BCLAF3: variants seen among roughly 807,000 people sequenced by gnomAD.
The protein encoded by BCLAF3 is BCLAF1 and THRAP3 family member 3, also known as transient octamer binding factor 1.
BCLAF3 carries 24 observed loss-of-function variants against 51.2 expected under a neutral mutation model. That is an observed-to-expected ratio of 0.47 (90% confidence interval 0.34 to 0.66). The LOEUF is 0.66. Among genes scored for constraint, BCLAF3 ranks in the 30% least tolerant of loss-of-function variants. BCLAF3 has a pLI of 0.01. For missense variants in BCLAF3, 465 were observed against 525.1 expected, an observed-to-expected ratio of 0.89 and a Z score of 1.12; for synonymous variants, 152 against 176.6, an observed-to-expected ratio of 0.86 and a Z score of 1.10.
chrX:19,964,866 C>T (rs1199238005), intron 4 of BCLAF3, among the ~76,000 whole-genome samples, 178 bp downstream of exon 4: 3 of 111,195 alleles, frequency 2.7e-5, no homozygotes, highest in Non-Finnish European at 5.7e-5. Flanking sequence ...AAATTGCTCC[C>T]ATGTAACTAA....
In BCLAF3 at chrX:19,920,252, C is replaced by G. The variant is rs748681568; in HGVS notation, c.2107-2918G>C. 8.0e-4 allele frequency among the ~76,000 whole-genome samples: 90 copies of G among 111,999 alleles called. 1 individual carries two copies. The highest frequency in any genetic ancestry group is 2.8e-3 in the African/African-American group (87 of 30,823). On this transcript the variant is annotated intron_variant, in intron 11 of 11. Coordinates refer to ENST00000379682, the MANE Select transcript of BCLAF3 (RefSeq NM_001367774.2). ...TCCACTGGGAGAGAACCCTTGGAAA[C>G]TTGCACCTGGTTTCCTCTGGACTTC...
rs1234517085 is a variant in BCLAF3, at chrX:19,937,411, A to G, written c.1860+7T>C. Reference sequence around the variant, plus strand: ...TAAAAATGCAAATTTTGGAACTGCAATCTTACCATGTAAGGTTTTTCAATA... The same window carrying G: ...TAAAAATGCAAATTTTGGAACTGCAGTCTTACCATGTAAGGTTTTTCAATA... On this transcript the variant is annotated splice_region_variant and intron_variant, in intron 9 of 11. Coordinates refer to ENST00000379682, the MANE Select transcript of BCLAF3 (RefSeq NM_001367774.2). 1.9e-6 allele frequency: 2 copies of G among 1,042,691 alleles called. No homozygotes were observed. Among genetic ancestry groups the G allele is most frequent in the South Asian group, 2.0e-5 (1 of 50,785 alleles). The allele number at this position is 1,042,691 out of a possible 1,213,427, so 85.9% of individuals were successfully genotyped here.
At chrX:19,945,817 T>G (rs59004764) in intron 8 of BCLAF3, among the ~76,000 whole-genome samples, 57 of 103,744 alleles carry the variant, frequency 5.5e-4, no homozygotes, top group Admixed American at 1.4e-3. Context: ...TCGAGCTTCC[T>G]GGCTGCTTTG....
rs772145863 is a variant in BCLAF3 at position 19,937,502 on chromosome X, T to C, written c.1776A>G (p.Val592=). The change falls in exon 9 of 12, where the codon GTA becomes GTG. Residue 592 remains valine, a synonymous_variant. Coordinates refer to ENST00000379682, the MANE Select transcript of BCLAF3 (RefSeq NM_001367774.2). ...GGAATCCATCAGTATGAACATTCTT[T>C]ACCTTTGAAAAACTGGAATTCTGAT... The part of the protein sequence containing the change: ...RDDQNSSFSK[V]KNVHTDGFQK... The C allele has an allele frequency of 7.8e-6, 9 of 1,151,447 alleles. No homozygotes were observed. Among genetic ancestry groups the C allele is most frequent in the Non-Finnish European group, 9.4e-6 (8 of 854,264 alleles). The allele number at this position is 1,151,447 out of a possible 1,213,427, so 94.9% of individuals were successfully genotyped here. A position where few individuals can be genotyped will look rare whatever the true frequency, so the allele number is the denominator to read the frequency against.
intron 11 of BCLAF3, among the ~76,000 whole-genome samples, chrX:19,922,110 C>T (rs1304639356): frequency 1.8e-5 from 2 of 110,894 alleles, no homozygotes; most frequent in African/African-American, 6.5e-5. Flanking sequence ...GGAATGGTGG[C>T]TCACACCTGT....
At chrX:19,963,072 G>A (rs111474706) in intron 4 of BCLAF3, among the ~76,000 whole-genome samples, 6,325 of 107,892 alleles carry the variant, frequency 0.059, 210 homozygotes, top group Non-Finnish European at 0.094. Flanking sequence ...GTGACAGAGC[G>A]TGACCCTGTC....
chrX:19,919,933 C>T (rs1272298131), intron 11 of BCLAF3, among the ~76,000 whole-genome samples: 1 of 110,581 alleles, frequency 9.0e-6, no homozygotes, highest in Admixed American at 9.6e-5. Flanking sequence ...CTTGGAAAGG[C>T]CTGCTTACAA....
At chrX:19,941,245 T>G (rs1329401200) in intron 8 of BCLAF3, among the ~76,000 whole-genome samples, 1 of 107,729 alleles carries the variant, frequency 9.3e-6, no homozygotes, top group Non-Finnish European at 1.9e-5. Context: ...GATGGTAGTT[T>G]CTTTTGCTGT....
At chrX:19,940,941 T>C (rs1190086415) in intron 8 of BCLAF3, among the ~76,000 whole-genome samples, 3 of 110,664 alleles carry the variant, frequency 2.7e-5, no homozygotes, top group African/African-American at 9.9e-5. Context: ...TGTTGTTTCC[T>C]GACTTTTTAA....
At chrX:19,926,990 G>A (rs763073457) in intron 11 of BCLAF3, among the ~76,000 whole-genome samples, 19 of 111,506 alleles carry the variant, frequency 1.7e-4, no homozygotes, top group Non-Finnish European at 3.4e-4. Flanking sequence ...ACTTTGGGAG[G>A]CCGAGGCAGG....
chrX:19,925,254 G>A (rs1262781313), intron 11 of BCLAF3, among the ~76,000 whole-genome samples: 2 of 110,775 alleles, frequency 1.8e-5, no homozygotes, highest in African/African-American at 3.3e-5. Context: ...TTGGAGGCAG[G>A]AAGTGCATGG....
intron 8 of BCLAF3, among the ~76,000 whole-genome samples, chrX:19,945,609 C>G (rs1429628961): frequency 1.3e-5 from 1 of 78,146 alleles, no homozygotes; most frequent in Admixed American, 1.2e-4. Context: ...CAGGGACCCA[C>G]TTGAGGAGGC....
At chrX:19,963,298 G>C (rs1394186265) in intron 4 of BCLAF3, among the ~76,000 whole-genome samples, 6 of 104,724 alleles carry the variant, frequency 5.7e-5, no homozygotes, top group African/African-American at 2.1e-4. Context: ...TTCCACCTCA[G>C]CCTCCCAAAG....
rs2072912440 is a variant in BCLAF3, at chrX:19,990,949, GCC to G, written c.-78_-77del. 1.0e-5 allele frequency among the ~76,000 whole-genome samples: 1 copy of G among 96,821 alleles called. No homozygotes were observed. The highest frequency in any genetic ancestry group is 3.8e-5 in the African/African-American group (1 of 26,602). The allele number at this position is 96,821 out of a possible 115,157, so 84.1% of individuals were successfully genotyped here. ...CGCCGCCGCCGCCGCCGCCGCCGCC[GCC>G]GCCGCCGCCGCCGCCGCCGCCGGCC... On this transcript the variant is annotated 5_prime_UTR_variant, in exon 1 of 12. Coordinates refer to ENST00000379682, the MANE Select transcript of BCLAF3 (RefSeq NM_001367774.2).
chrX:19,916,469 A>G lies in BCLAF3; in HGVS notation c.*836T>C, dbSNP rs1436507828. The G allele has an allele frequency of 6.2e-5, 7 of 112,539 alleles. No individual in the cohort carries two copies. The East Asian group carries it at 1.1e-3, about 18-fold the overall frequency. The allele number at this position is 112,539 out of a possible 1,213,427, so 9.3% of individuals were successfully genotyped here. A position where few individuals can be genotyped will look rare whatever the true frequency, so the allele number is the denominator to read the frequency against. ...CAACTGAACTAAAAGTAAACACTCTATAAGATGTGCTTGCAAAATGTGTAA... is the reference window on the plus strand; with the variant it reads ...CAACTGAACTAAAAGTAAACACTCTGTAAGATGTGCTTGCAAAATGTGTAA... On this transcript the variant is annotated 3_prime_UTR_variant, in exon 12 of 12. Transcript: ENST00000379682.
chrX:19,945,133 T>C (rs1365342670), intron 8 of BCLAF3, among the ~76,000 whole-genome samples: 1 of 111,150 alleles, frequency 9.0e-6, no homozygotes, highest in African/African-American at 3.3e-5. Context: ...CATCAGCTCC[T>C]TTAAGCAGTT....
chrX:19,918,010 TA>T (rs2069989075), intron 11 of BCLAF3: 2 of 111,873 alleles, frequency 1.8e-5, no homozygotes, highest in East Asian at 5.6e-4. Flanking sequence ...GCAAACATGG[TA>T]AAATGGCACA....
At chrX:19,939,003 T>G (rs748166750) in intron 8 of BCLAF3, among the ~76,000 whole-genome samples, 1 of 112,093 alleles carries the variant, frequency 8.9e-6, no homozygotes, top group African/African-American at 3.2e-5. Flanking sequence ...TGTGGATGAT[T>G]CGTTTTGTGG....
chrX:19,967,549 GA>G (rs1436287151), intron 2 of BCLAF3, among the ~76,000 whole-genome samples: 5 of 111,611 alleles, frequency 4.5e-5, no homozygotes, highest in African/African-American at 1.3e-4. Context: ...TGTATCCAGG[GA>G]AACCAGTCTG....
Sources: gnomAD v4.1 joint callset for allele counts (sites outside exome capture counted in the v4.1 genomes callset) on GRCh38, gnomAD v4.1.1 for gene constraint, MANE v1.5 for transcripts, NCBI Gene and HGNC (gene_info 2026-07-23, HGNC 2026-07-21) for gene names.